The following ZNF195 variants were observed in gnomAD, a reference collection of about 807,000 sequenced individuals.
ZNF195 encodes zinc finger protein 195.
ZNF195 carries 11 observed loss-of-function variants against 19.5 expected under a neutral mutation model. The ratio of observed to expected loss-of-function variants is 0.57; its 90% CI spans 0.36 to 0.94. The LOEUF (loss-of-function observed/expected upper bound fraction) is 0.94, where lower values mean the gene tolerates loss of function less well. Ranked by LOEUF, ZNF195 falls within the 40% of genes least tolerant of loss-of-function variation. The pLI, the probability that ZNF195 is intolerant of heterozygous loss-of-function variation, is 0.01. For synonymous variants in ZNF195, 214 were observed against 248.1 expected, an observed-to-expected ratio of 0.86 and a Z score of 1.29; for missense variants, 582 against 709.0, an observed-to-expected ratio of 0.82 and a Z score of 2.03.
intron 3 of ZNF195, among the ~76,000 whole-genome samples, chr11:3,364,285 A>G (rs1012756258): frequency 6.6e-6 from 1 of 152,174 alleles, no homozygotes; most frequent in Non-Finnish European, 1.5e-5. Flanking sequence ...ACAGAGCAAG[A>G]CCCAATCTCT....
intron 1 of ZNF195, chr11:3,377,832 A>G: frequency 1.0e-6 from 1 of 988,798 alleles, no homozygotes; most frequent in Non-Finnish European, 1.2e-6. Flanking sequence ...GGTGGCTGAG[A>G]GCAAATCACC....
rs1181135955 is a variant in ZNF195, at chr11:3,359,674, T to C, written c.1334A>G (p.Lys445Arg). Residue 445 changes from lysine to arginine, a missense_variant, in exon 6 of 6, where the codon AAA becomes AGA. By Grantham distance (26) the Lys-to-Arg change is conservative. This residue lies in a region of ZNF195 where 407 missense variants were observed against 530.5 expected (regional missense o/e 0.77). Transcript: ENST00000399602. This position sits in a 1 kb window ranked among gnomAD's most constrained non-coding sequence, Gnocchi z 5.5. Reference protein sequence around the residue: ...EKPYKCDECGKAYTQSSHLSE... With the variant: ...EKPYKCDECGRAYTQSSHLSE... ...GAGGTGTGAGGACTGTGTATAGGCT[T>C]TCCCACATTCGTCACATTTGTATGG... 6.2e-7 allele frequency: 1 copy of C among 1,614,202 alleles called. No homozygotes were observed. Among genetic ancestry groups the C allele is most frequent in the Admixed American group, 1.7e-5 (1 of 60,022 alleles).
intron 3 of ZNF195, 170 bp from the exon 4 acceptor site, chr11:3,362,059 C>G (rs1177109250): frequency 4.6e-6 from 2 of 436,902 alleles, no homozygotes; most frequent in African/African-American, 4.1e-5. Flanking sequence ...ATCCCTGTCT[C>G]AAAAAAAGTA....
rs941373871 is a variant in ZNF195, at chr11:3,378,961, C to A, written c.3+77G>T. On this transcript the variant is annotated intron_variant, in intron 1 of 5. Transcript: ENST00000399602. ...GAGCCCGGAACCCACCCGGGCAGCC[C>A]GGTTCCTCCCGAGCCGGTACCGCGG... 3 of 1,321,460 alleles carry A rather than the reference C, an allele frequency of 2.3e-6. No homozygotes were observed. In the East Asian group the frequency reaches 9.2e-5, roughly 40 times the overall value. The allele number at this position is 1,321,460 out of a possible 1,614,324, so 81.9% of individuals were successfully genotyped here.
chr11:3,379,094 G>C lies in ZNF195; in HGVS notation c.-54C>G. 6.8e-7 allele frequency: 1 copy of C among 1,478,572 alleles called. No homozygotes were observed. The highest frequency in any genetic ancestry group is 9.0e-7 in the Non-Finnish European group (1 of 1,106,176). 91.6% of individuals were successfully genotyped at this position (1,478,572 alleles called of 1,614,324 possible). A position where few individuals can be genotyped will look rare whatever the true frequency, so the allele number is the denominator to read the frequency against. ...CACTTCTGGATCTCCCGGTGCCTGC[G>C]GGTCACACGACCTACGGCTAGCAGG... On this transcript the variant is annotated 5_prime_UTR_variant, in exon 1 of 6. Transcript: ENST00000399602.
chr11:3,369,661 C>A (rs556356344), intron 3 of ZNF195, among the ~76,000 whole-genome samples: 1 of 152,318 alleles, frequency 6.6e-6, no homozygotes, highest in East Asian at 1.9e-4. Flanking sequence ...GCACGTTCCC[C>A]CTCAGACGTG....
At chr11:3,378,919 G>C (rs554660814) in intron 1 of ZNF195, 119 bp downstream of exon 1, 2 of 1,209,924 alleles carry the variant, frequency 1.7e-6, no homozygotes, top group Admixed American at 4.1e-5. Flanking sequence ...TGCAGCTGGA[G>C]GGGCCTCGGG....
chr11:3,378,786 C>T (rs1037660289), intron 1 of ZNF195, among the ~76,000 whole-genome samples: 19 of 152,248 alleles, frequency 1.2e-4, no homozygotes, highest in Admixed American at 6.5e-4. Flanking sequence ...CGGGATTCTC[C>T]CTTCCTGACT....
In ZNF195 at chr11:3,358,211, G is replaced by A. The variant is rs1848470542; in HGVS notation, c.*907C>T. ...CTGCACAGTTACTGGAGGGATCAGT[G>A]AAGGGGGGTTTGTTTTTTGCCCTGG... On this transcript the variant is annotated 3_prime_UTR_variant, in exon 6 of 6. Coordinates refer to ENST00000399602, the MANE Select transcript of ZNF195 (RefSeq NM_001130520.3). 6.6e-6 allele frequency: 1 copy of A among 152,230 alleles called. No individual in the cohort carries two copies. Among genetic ancestry groups the A allele is most frequent in the Non-Finnish European group, 1.5e-5 (1 of 68,090 alleles). The allele number at this position is 152,230 out of a possible 1,614,324, so 9.4% of individuals were successfully genotyped here. A position where few individuals can be genotyped will look rare whatever the true frequency, so the allele number is the denominator to read the frequency against.
rs143134296 is a variant in ZNF195 at position 3,371,991 on chromosome 11, G to A, written c.4-288C>T. ...CACATGAATAAGCTGTGTATATTTC[G>A]CAGGCAGAAAAGTCATGGTGAGTTA... On this transcript the variant is annotated intron_variant, in intron 1 of 5. Coordinates refer to ENST00000399602, the MANE Select transcript of ZNF195 (RefSeq NM_001130520.3). 9.3e-3 allele frequency among the ~76,000 whole-genome samples: 1,410 copies of A among 152,256 alleles called. 18 individuals are homozygous for A. The highest frequency in any genetic ancestry group is 0.016 in the Non-Finnish European group (1,104 of 68,010).
chr11:3,371,654 C>T lies in ZNF195; in HGVS notation c.53G>A (p.Trp18Ter). The T allele has an allele frequency of 1.2e-6, 2 of 1,613,886 alleles. No homozygotes were observed. Among genetic ancestry groups the T allele is most frequent in the Non-Finnish European group, 1.7e-6 (2 of 1,179,824 alleles). ...DVAIEFSLEEWKCLDLAQQNL... is the reference protein window; with the variant it reads ...DVAIEFSLEE The stretch of plus-strand genomic sequence containing the variant: ...CTGCTGAGCGAGGTCCAGGCATTTC[C>T]ACTCCTCCAGGGAGAATTCTATGGC... The change falls in exon 2 of 6, where the codon TGG becomes TAG. Residue 18 changes from tryptophan (W) to a stop codon, truncating the protein, a stop_gained. Coordinates refer to ENST00000399602, the MANE Select transcript of ZNF195 (RefSeq NM_001130520.3). LOFTEE classifies it high-confidence loss of function.
At position 3,373,430 on chromosome 11, in the gene ZNF195, C is replaced by T. The variant is rs146886155; in HGVS notation, c.4-1727G>A. ...ATAGAAAACAAATATTTTCAGAGAC[C>T]CTTCATTATTATAAGAAAAAAAAGT... On this transcript the variant is annotated intron_variant, in intron 1 of 5. Coordinates refer to ENST00000399602, the MANE Select transcript of ZNF195 (RefSeq NM_001130520.3). 5.5e-4 allele frequency: 371 copies of T among 676,172 alleles called. No individual in the cohort carries two copies. The African/African-American group carries it at 5.9e-3, about 11-fold the overall frequency. 41.9% of individuals were successfully genotyped at this position (676,172 alleles called of 1,614,324 possible). A position where few individuals can be genotyped will look rare whatever the true frequency, so the allele number is the denominator to read the frequency against.
chr11:3,369,182 T>C (rs888717605), intron 3 of ZNF195: 1 of 233,556 alleles, frequency 4.3e-6, no homozygotes, highest in African/African-American at 2.3e-5. Context: ...GTAATTGTGG[T>C]TTTTGCCTTC....
chr11:3,363,159 T>C (rs1848712783), intron 3 of ZNF195, among the ~76,000 whole-genome samples: 1 of 152,228 alleles, frequency 6.6e-6, no homozygotes, highest in African/African-American at 2.4e-5. Context: ...TTGCAAGTTC[T>C]TTATAAACAA....
rs536255389 is a variant in ZNF195 at position 3,377,511 on chromosome 11, G to C, written c.3+1527C>G. The C allele has an allele frequency of 5.5e-6, 5 of 910,354 alleles. No homozygotes were observed. In the African/African-American group the frequency reaches 8.9e-5, roughly 16 times the overall value. 56.4% of individuals were successfully genotyped at this position (910,354 alleles called of 1,614,324 possible). A position where few individuals can be genotyped will look rare whatever the true frequency, so the allele number is the denominator to read the frequency against. The stretch of plus-strand genomic sequence containing the variant: ...GAGTCCAAAGGGCAGAAATGATTTC[G>C]GTCTTTTCCCTCTGACAGGGGCATG... On this transcript the variant is annotated intron_variant, in intron 1 of 5. Coordinates refer to ENST00000399602, the MANE Select transcript of ZNF195 (RefSeq NM_001130520.3).
intron 3 of ZNF195, among the ~76,000 whole-genome samples, chr11:3,370,173 A>T (rs1216078426): frequency 6.6e-6 from 1 of 152,088 alleles, no homozygotes; most frequent in Non-Finnish European, 1.5e-5. Context: ...GATATATTAT[A>T]TATACACACA....
At chr11:3,377,563 C>A in intron 1 of ZNF195, 1 of 1,092,586 alleles carries the variant, frequency 9.2e-7, no homozygotes, top group East Asian at 8.1e-5. Context: ...CATGTGTCTC[C>A]AGGGATTGAA....
In ZNF195 at chr11:3,371,694, T is replaced by A; in HGVS notation, c.13A>T (p.Thr5Ser). 1 of 1,601,384 alleles carries A rather than the reference T, an allele frequency of 6.2e-7. No homozygotes were observed. Among genetic ancestry groups the A allele is most frequent in the East Asian group, 2.2e-5 (1 of 44,642 alleles). Residue 5 changes from threonine (T) to serine (S), a missense_variant, in exon 2 of 6, where the codon ACG becomes TCG. Thr to Ser is a moderately conservative substitution (Grantham distance 58, BLOSUM62 1). Transcript: ENST00000399602. The stretch of plus-strand genomic sequence containing the variant: ...AATTCTATGGCCACATCCCTGAACG[T>A]CAACAGAGTCTGAAGAAGAAACAAC... MTLLTFRDVAIEFSL... is the reference protein window; with the variant it reads MTLLSFRDVAIEFSL...
chr11:3,359,363 G>C lies in ZNF195; in HGVS notation c.1645C>G (p.Pro549Ala), dbSNP rs749749439. The C allele has an allele frequency of 6.2e-7, 1 of 1,614,058 alleles. No homozygotes were observed. Among genetic ancestry groups the C allele is most frequent in the Non-Finnish European group, 8.5e-7 (1 of 1,180,014 alleles). ...CTGCCACATTCTTCACACTTGTAGGGTTTCTCTCCAGTATGAATTCTCTTA... is the reference window on the plus strand; with the variant it reads ...CTGCCACATTCTTCACACTTGTAGGCTTTCTCTCCAGTATGAATTCTCTTA... Reference protein sequence around the residue: ...VHKRIHTGEKPYKCEECGRVF... With the variant: ...VHKRIHTGEKAYKCEECGRVF... Residue 549 changes from proline (P) to alanine (A), a missense_variant, in exon 6 of 6, where the codon CCC (proline) becomes GCC (alanine). Pro to Ala is a conservative substitution (Grantham distance 27). This residue lies in a region of ZNF195 where 407 missense variants were observed against 530.5 expected (regional missense o/e 0.77). Transcript: ENST00000399602. The surrounding 1 kb of genome is among the most constrained non-coding windows in gnomAD (Gnocchi z 5.5).
Sources: gnomAD v4.1 joint callset for allele counts (sites outside exome capture counted in the v4.1 genomes callset) on GRCh38, gnomAD v4.1.1 for gene constraint, gnomAD v4.1.1 regional missense constraint, Gnocchi (gnomAD v3.1) non-coding constraint, MANE v1.5 for transcripts, NCBI Gene and HGNC (gene_info 2026-07-23, HGNC 2026-07-21) for gene names.